The following ANK2 variants were observed in gnomAD, a reference collection of about 807,000 sequenced individuals.
ANK2 encodes ankyrin 2, also known as ankyrin-2.
ANK2 carries 83 observed loss-of-function variants against 360.5 expected under a neutral mutation model. That is an observed-to-expected ratio of 0.23 (90% confidence interval 0.19 to 0.28). ANK2 has a LOEUF of 0.28. Ranked by LOEUF, ANK2 falls within the 10% of genes least tolerant of loss-of-function variation. The pLI is 1.00. For missense variants in ANK2, 4,201 were observed against 4,795.7 expected (o/e 0.88, Z 3.66); for synonymous variants, 1,740 against 1,759.5 (o/e 0.99, Z 0.28).
At chr4:113,371,545 A>G (rs1371939260) in intron 43 of ANK2, among the ~76,000 whole-genome samples, 1 of 152,214 alleles carries the variant, frequency 6.6e-6, no homozygotes. Context: ...ATGTTTGTAT[A>G]AGTCACTCTG....
chr4:112,866,068 T>A (rs536094601), intron 1 of ANK2, among the ~76,000 whole-genome samples: 1 of 152,222 alleles, frequency 6.6e-6, no homozygotes, highest in Non-Finnish European at 1.5e-5. Context: ...GCACTACTGT[T>A]TTTCTTAAAC....
At chr4:113,320,663 AC>A (rs1324385204) in intron 26 of ANK2, among the ~76,000 whole-genome samples, 18 of 151,798 alleles carry the variant, frequency 1.2e-4, no homozygotes, top group Non-Finnish European at 2.4e-4. Flanking sequence ...TCCAAAAAAA[AC>A]AAAAACAAAA....
At chr4:112,902,038 G>A (rs999056559) in intron 1 of ANK2, among the ~76,000 whole-genome samples, 2 of 152,162 alleles carry the variant, frequency 1.3e-5, no homozygotes. Flanking sequence ...CATTAAGAGA[G>A]GAGAGTTACA....
At chr4:112,792,339 C>T in the ANK2 span, among the ~76,000 whole-genome samples, 3 of 152,068 alleles carry the variant, frequency 2.0e-5, no homozygotes, top group African/African-American at 4.8e-5. Flanking sequence ...CCGTGCCCTG[C>T]GACAACACAT....
chr4:113,311,508 A>G, intron 24 of ANK2, 109 bp downstream of exon 24: 1 of 1,357,740 alleles, frequency 7.4e-7, no homozygotes, highest in East Asian at 2.5e-5. Context: ...TAGGTACCTT[A>G]TTAATCTCAG....
At chr4:113,174,902 A>G (rs1048925789) in intron 2 of ANK2, among the ~76,000 whole-genome samples, 1 of 152,224 alleles carries the variant, frequency 6.6e-6, no homozygotes, top group African/African-American at 2.4e-5. Flanking sequence ...ACAATTTAGT[A>G]TACAGAAATA....
intron 13 of ANK2, among the ~76,000 whole-genome samples, chr4:113,264,446 T>C (rs1321767442): frequency 6.6e-6 from 1 of 152,162 alleles, no homozygotes; most frequent in Non-Finnish European, 1.5e-5. Context: ...AAGCTGCTGA[T>C]TGTGAAGTGA....
intron 1 of ANK2, among the ~76,000 whole-genome samples, chr4:113,142,069 T>C (rs1291917765): frequency 6.6e-6 from 1 of 152,234 alleles, no homozygotes; most frequent in Non-Finnish European, 1.5e-5. Flanking sequence ...TTTGCCCTAA[T>C]GACTTTGAAG....
intron 1 of ANK2, among the ~76,000 whole-genome samples, chr4:113,091,993 A>G (rs2088489588): frequency 6.6e-6 from 1 of 152,200 alleles, no homozygotes; most frequent in African/African-American, 2.4e-5. Context: ...AGTCATATGT[A>G]TTGTAATAAC....
At chr4:113,176,879 T>C (rs2153229118) in intron 2 of ANK2, among the ~76,000 whole-genome samples, 1 of 152,216 alleles carries the variant, frequency 6.6e-6, no homozygotes, top group South Asian at 2.1e-4. Flanking sequence ...GAACATGCGG[T>C]GTTTGGTTTT....
intron 1 of ANK2, among the ~76,000 whole-genome samples, chr4:113,127,917 C>G (rs2095765352): frequency 1.3e-5 from 2 of 151,646 alleles, no homozygotes; most frequent in Non-Finnish European, 2.9e-5. Flanking sequence ...CAGCACTCAA[C>G]TAGGAATAAA....
At chr4:113,053,695 G>A (rs2068202182) in intron 1 of ANK2, among the ~76,000 whole-genome samples, 1 of 152,170 alleles carries the variant, frequency 6.6e-6, no homozygotes, top group Non-Finnish European at 1.5e-5. Context: ...CCTGGCTCAA[G>A]CGATCTTCCT....
intron 4 of ANK2, among the ~76,000 whole-genome samples, chr4:113,205,518 CTT>C (rs1341174840): frequency 6.6e-6 from 1 of 152,088 alleles, no homozygotes; most frequent in Non-Finnish European, 1.5e-5. Context: ...GATTAATACT[CTT>C]TTCTTTCAAT....
chr4:113,068,624 A>C (rs1346218025), intron 1 of ANK2, among the ~76,000 whole-genome samples: 1 of 152,210 alleles, frequency 6.6e-6, no homozygotes, highest in Non-Finnish European at 1.5e-5. Context: ...AATGACTCAC[A>C]TGATTGTATG....
chr4:113,017,734 A>G (rs546825088), intron 2 of ANK2, among the ~76,000 whole-genome samples: 31 of 152,324 alleles, frequency 2.0e-4, no homozygotes, highest in African/African-American at 7.2e-4. Flanking sequence ...AGTGAAGGTA[A>G]AACTTCAGCT....
intron 1 of ANK2, among the ~76,000 whole-genome samples, chr4:112,851,240 T>G (rs113258524): frequency 2.6e-5 from 4 of 152,194 alleles, no homozygotes; most frequent in African/African-American, 9.7e-5. Context: ...TAGAAGAGAA[T>G]GCACCCCTTG....
At chr4:112,991,619 C>CTTTTTTTTTT (rs35505334) in intron 2 of ANK2, among the ~76,000 whole-genome samples, 3 of 125,846 alleles carry the variant, frequency 2.4e-5, no homozygotes, top group African/African-American at 3.0e-5. Flanking sequence ...TTCTTTCTTT[C>CTTTTTTTTTT]TTTTTTTTTT....
At chr4:112,766,810 G>C in the ANK2 span, among the ~76,000 whole-genome samples, 1 of 152,170 alleles carries the variant, frequency 6.6e-6, no homozygotes, top group Non-Finnish European at 1.5e-5. Flanking sequence ...GCTGGATTGT[G>C]TCTTTTCCCT....
chr4:113,222,940 T>A (rs1049837267), intron 4 of ANK2, among the ~76,000 whole-genome samples: 1 of 152,236 alleles, frequency 6.6e-6, no homozygotes, highest in East Asian at 1.9e-4. Context: ...TCTTAACTAT[T>A]AATACTAAAC....
Sources: gnomAD v4.1 joint callset for allele counts (sites outside exome capture counted in the v4.1 genomes callset) on GRCh38, gnomAD v4.1.1 for gene constraint, MANE v1.5 for transcripts, NCBI Gene and HGNC (gene_info 2026-07-23, HGNC 2026-07-21) for gene names.